Variants in RASGRF1 observed in about 807,000 individuals in gnomAD.
RASGRF1 encodes the protein Ras protein specific guanine nucleotide releasing factor 1.
In RASGRF1, 40 loss-of-function variants were observed where a neutral mutation model predicts 138.7. The observed-to-expected ratio is 0.29, with a 90% CI of 0.22 to 0.38. The LOEUF is 0.38. Among genes scored for constraint, RASGRF1 ranks in the 10% least tolerant of loss-of-function variants. The pLI is 1.00. For missense variants in RASGRF1, 1,108 were observed against 1,650.4 expected (o/e 0.67, Z 5.69); for synonymous variants, 614 against 663.2 (o/e 0.93, Z 1.14).
intron 5 of RASGRF1, among the ~76,000 whole-genome samples, chr15:79,044,124 T>A (rs1446306632): frequency 6.6e-6 from 1 of 152,106 alleles, no homozygotes; most frequent in Non-Finnish European, 1.5e-5. Context: ...CATACTCCAC[T>A]CTCCCCAAGG....
In RASGRF1 at chr15:79,086,561, C is replaced by T. The variant is rs1004432927; in HGVS notation, c.276+3662G>A. Reference sequence around the variant, plus strand: ...TAGAGAAGGGAACTAAGTGGGTAGACAACAGGTTCTAAGACCCCCCCCCCC... The same window carrying T: ...TAGAGAAGGGAACTAAGTGGGTAGATAACAGGTTCTAAGACCCCCCCCCCC... On this transcript the variant is annotated intron_variant, in intron 1 of 26. Transcript: ENST00000558480. Among the ~76,000 whole-genome samples the T allele has an allele frequency of 7.6e-5, 10 of 132,450 alleles. No individual in the cohort carries two copies. The East Asian group carries it at 1.1e-3, about 15-fold the overall frequency. The allele number at this position is 132,450 out of a possible 152,430, so 86.9% of individuals were successfully genotyped here. A position where few individuals can be genotyped will look rare whatever the true frequency, so the allele number is the denominator to read the frequency against.
intron 23 of RASGRF1, chr15:78,984,777 G>T (rs1204220021): frequency 8.7e-6 from 5 of 572,484 alleles, no homozygotes; most frequent in Non-Finnish European, 1.6e-5. Context: ...CCACTTTGAG[G>T]TATTAATTAC....
intron 2 of RASGRF1, among the ~76,000 whole-genome samples, chr15:79,061,346 T>C (rs2036160938): frequency 6.6e-6 from 1 of 150,524 alleles, no homozygotes; most frequent in African/African-American, 2.5e-5. Flanking sequence ...TAATGGGTGT[T>C]GTTTCATGCT....
intron 19 of RASGRF1, among the ~76,000 whole-genome samples, chr15:78,997,295 G>C (rs1055736027): frequency 6.6e-6 from 1 of 152,162 alleles, no homozygotes; most frequent in Non-Finnish European, 1.5e-5. Context: ...CTGTTTAATA[G>C]ATCTCTGCAG....
intron 12 of RASGRF1, among the ~76,000 whole-genome samples, chr15:79,015,887 A>C (rs1036099200): frequency 2.0e-5 from 3 of 152,206 alleles, no homozygotes. Context: ...TGACCACCAC[A>C]GTGCCAACAC....
chr15:79,003,086 C>G (rs2056574687), intron 15 of RASGRF1, among the ~76,000 whole-genome samples: 2 of 152,174 alleles, frequency 1.3e-5, no homozygotes, highest in African/African-American at 4.8e-5. Context: ...CCAGCCTGTC[C>G]TGGAATCATC....
chr15:79,034,690 A>C (rs1179103551), intron 6 of RASGRF1, among the ~76,000 whole-genome samples: 1 of 152,112 alleles, frequency 6.6e-6, no homozygotes, highest in Non-Finnish European at 1.5e-5. Context: ...GAAAAAAAAA[A>C]CAACACACAG....
At chr15:79,075,742 T>C (rs2057824394) in intron 1 of RASGRF1, among the ~76,000 whole-genome samples, 1 of 152,198 alleles carries the variant, frequency 6.6e-6, no homozygotes. Context: ...ACTGGGATGT[T>C]TGGTTCCCCT....
Position 79,090,574 on chromosome 15 carries a change from C to A in RASGRF1, c.-76G>T. The A allele has an allele frequency of 6.4e-7, 1 of 1,559,058 alleles. No individual in the cohort carries two copies. The highest frequency in any genetic ancestry group is 1.2e-5 in the South Asian group (1 of 84,430). On this transcript the variant is annotated 5_prime_UTR_variant, in exon 1 of 27. Transcript: ENST00000558480. ...CAGCCCCCCGTCCGTGCGCGCTGCG[C>A]GCTGCCTCTCTCTGGCGCTCGCTCG...
chr15:79,051,813 G>A (rs566226052), intron 3 of RASGRF1, among the ~76,000 whole-genome samples: 3 of 152,308 alleles, frequency 2.0e-5, no homozygotes, highest in South Asian at 2.1e-4. Flanking sequence ...AAGCTCTGGA[G>A]GGTTGCAAGC....
intron 20 of RASGRF1, among the ~76,000 whole-genome samples, chr15:78,994,162 G>A (rs2141670464): frequency 6.6e-6 from 1 of 152,366 alleles, no homozygotes; most frequent in South Asian, 2.1e-4. Flanking sequence ...CAGCTGCCGA[G>A]AGGAGTACTT....
At position 79,049,347 on chromosome 15, in the gene RASGRF1, G is replaced by A. The variant is rs917990987; in HGVS notation, c.624+149C>T. The stretch of plus-strand genomic sequence containing the variant: ...TGACAGGGTACCCTTCAGGGATAAG[G>A]GAGTGTGGGCTCTGTCTTTGGAGCT... On this transcript the variant is annotated intron_variant, in intron 4 of 26. Transcript: ENST00000558480. 6 of 715,122 alleles carry A rather than the reference G, an allele frequency of 8.4e-6. No individual in the cohort carries two copies. The African/African-American group carries it at 8.9e-5, about 11-fold the overall frequency. 44.3% of individuals were successfully genotyped at this position (715,122 alleles called of 1,614,324 possible). A position where few individuals can be genotyped will look rare whatever the true frequency, so the allele number is the denominator to read the frequency against.
intron 20 of RASGRF1, among the ~76,000 whole-genome samples, chr15:78,992,582 T>G (rs955373321): frequency 6.6e-6 from 1 of 151,954 alleles, no homozygotes; most frequent in Non-Finnish European, 1.5e-5. Context: ...GTGTTGGTCT[T>G]GGGAGGAGCC....
intron 3 of RASGRF1, among the ~76,000 whole-genome samples, chr15:79,057,303 G>A (rs754688419): frequency 6.6e-6 from 1 of 152,230 alleles, no homozygotes. Flanking sequence ...CAGCTACTGC[G>A]CACTTCCTGG....
At chr15:79,020,179 T>C in intron 10 of RASGRF1, 75 bp from the exon 11 acceptor site, 2 of 1,417,680 alleles carry the variant, frequency 1.4e-6, no homozygotes, top group South Asian at 2.3e-5. Context: ...GATGATAGGG[T>C]TGGAGGGGAC....
intron 26 of RASGRF1, among the ~76,000 whole-genome samples, chr15:78,965,142 C>A (rs2055618773): frequency 6.6e-6 from 1 of 152,188 alleles, no homozygotes; most frequent in Non-Finnish European, 1.5e-5. Context: ...TCATGGGTTT[C>A]TTACTACAAC....
At chr15:79,011,207 G>C (rs1420184510) in intron 13 of RASGRF1, among the ~76,000 whole-genome samples, 2 of 152,018 alleles carry the variant, frequency 1.3e-5, no homozygotes, top group Non-Finnish European at 2.9e-5. Context: ...TGCCGGTCGC[G>C]TTACCGTGAT....
chr15:79,047,106 C>T, intron 4 of RASGRF1, 107 bp from the exon 5 acceptor site: 1 of 1,390,214 alleles, frequency 7.2e-7, no homozygotes, highest in East Asian at 2.4e-5. Context: ...CTTTGTTATT[C>T]CTACGCCGGG....
At chr15:79,083,400 C>T (rs148446428) in intron 1 of RASGRF1, among the ~76,000 whole-genome samples, 14 of 152,360 alleles carry the variant, frequency 9.2e-5, no homozygotes, top group Non-Finnish European at 1.6e-4. Context: ...CTTGGCTGCA[C>T]GCACACGGGC....
Sources: allele counts gnomAD v4.1 joint callset (sites outside exome capture counted in the v4.1 genomes callset), GRCh38; gene constraint gnomAD v4.1.1; transcripts MANE v1.5; gene names NCBI Gene and HGNC (gene_info 2026-07-23, HGNC 2026-07-21).